Variants in HIVEP2 observed in about 807,000 individuals in gnomAD.
HIVEP2 encodes the protein HIVEP zinc finger 2.
In HIVEP2, 14 loss-of-function variants were observed where a neutral mutation model predicts 180.7. The ratio of observed to expected loss-of-function variants is 0.08; its 90% CI spans 0.05 to 0.12. The LOEUF (loss-of-function observed/expected upper bound fraction) is 0.12. Among genes scored for constraint, HIVEP2 ranks in the 10% least tolerant of loss-of-function variants. HIVEP2 has a pLI of 1.00. For synonymous variants in HIVEP2, 1,184 were observed against 1,136.4 expected, an observed-to-expected ratio of 1.04 and a Z score of -0.84; for missense variants, 2,579 against 3,008.5, an observed-to-expected ratio of 0.86 and a Z score of 3.34.
At chr6:142,889,524 G>C (rs1230933924) in intron 1 of HIVEP2, among the ~76,000 whole-genome samples, 1 of 152,156 alleles carries the variant, frequency 6.6e-6, no homozygotes, top group Non-Finnish European at 1.5e-5. Context: ...TAGATAAAAA[G>C]AAGGTATGGC....
chr6:142,768,314 G>T, intron 6 of HIVEP2, 68 bp downstream of exon 6: 1 of 1,419,902 alleles, frequency 7.0e-7, no homozygotes, highest in Non-Finnish European at 9.6e-7. Flanking sequence ...CCTTTTCCAT[G>T]CAGACATTCT....
At chr6:142,936,130 T>C (rs746325515) in intron 1 of HIVEP2, among the ~76,000 whole-genome samples, 2 of 151,688 alleles carry the variant, frequency 1.3e-5, no homozygotes, top group Non-Finnish European at 2.9e-5. Flanking sequence ...AAAAAAAGGA[T>C]GTGTCATTTG....
intron 2 of HIVEP2, among the ~76,000 whole-genome samples, chr6:142,820,703 T>C (rs1406687445): frequency 6.6e-6 from 1 of 152,206 alleles, no homozygotes; most frequent in African/African-American, 2.4e-5. Flanking sequence ...ATCATTTTCA[T>C]TTGAGCTATA....
At chr6:142,878,556 T>A (rs749085798) in intron 1 of HIVEP2, among the ~76,000 whole-genome samples, 14 of 152,050 alleles carry the variant, frequency 9.2e-5, no homozygotes, top group Non-Finnish European at 1.8e-4. Context: ...CATAACCCCA[T>A]GTGAAGTCAG....
At chr6:142,920,337 T>C (rs1398201020) in intron 1 of HIVEP2, among the ~76,000 whole-genome samples, 1 of 152,226 alleles carries the variant, frequency 6.6e-6, no homozygotes, top group Non-Finnish European at 1.5e-5. Context: ...GAGCTGACCT[T>C]GGTCTAGTCC....
intron 9 of HIVEP2, among the ~76,000 whole-genome samples, chr6:142,754,530 G>A (rs1396813704): frequency 1.3e-5 from 2 of 152,134 alleles, no homozygotes; most frequent in African/African-American, 4.8e-5. Context: ...TTGGTCTAAA[G>A]GAATGCATTC....
chr6:142,831,222 G>GAAATCAGAAA (rs1206347963), intron 2 of HIVEP2, among the ~76,000 whole-genome samples: 5 of 152,180 alleles, frequency 3.3e-5, no homozygotes, highest in African/African-American at 1.2e-4. Flanking sequence ...GGGGGATATG[G>GAAATCAGAAA]GAGGAAATCA....
intron 1 of HIVEP2, among the ~76,000 whole-genome samples, chr6:142,917,202 G>A (rs193136854): frequency 8.5e-5 from 13 of 152,198 alleles, no homozygotes; most frequent in East Asian, 1.9e-4. Context: ...TAACAGTTTC[G>A]TATGTGATGT....
At chr6:142,923,640 C>A (rs2128435463) in intron 1 of HIVEP2, among the ~76,000 whole-genome samples, 1 of 152,058 alleles carries the variant, frequency 6.6e-6, no homozygotes. Flanking sequence ...AAATGAAGAC[C>A]CCTTGCTCAA....
rs768428212 is a variant in HIVEP2 at position 142,772,420 on chromosome 6, C to T, written c.2319G>A (p.Val773=). The T allele has an allele frequency of 6.2e-7, 1 of 1,614,236 alleles. No individual in the cohort carries two copies. The highest frequency in any genetic ancestry group is 1.1e-5 in the South Asian group (1 of 91,084). Residue 773 remains valine, a synonymous_variant, in exon 5 of 10, where the codon GTG becomes GTA. Transcript: ENST00000367603. This position sits in a 1 kb window ranked among gnomAD's most constrained non-coding sequence, Gnocchi z 4.9. ...CAATGGCTGAAGGTGACTCCTCTGA[C>T]ACAAGAGATGGACTTCCAGGCTGCA... ...PQLQPGSPSL[V]SEESPSAIDS...
At chr6:142,775,179 C>A (rs1295991067) in intron 4 of HIVEP2, 54 bp from the exon 5 acceptor site, 110 of 321,554 alleles carry the variant, frequency 3.4e-4, no homozygotes, top group East Asian at 9.0e-4. Context: ...AATAAGAAAC[C>A]AAAAAAAAAA....
chr6:142,937,826 A>G (rs1778091996), intron 1 of HIVEP2, among the ~76,000 whole-genome samples: 1 of 152,232 alleles, frequency 6.6e-6, no homozygotes, highest in African/African-American at 2.4e-5. Context: ...ACATCAAGAT[A>G]AAAAACTAAA....
chr6:142,805,728 C>A (rs938620661), intron 2 of HIVEP2, among the ~76,000 whole-genome samples: 1 of 152,136 alleles, frequency 6.6e-6, no homozygotes, highest in Non-Finnish European at 1.5e-5. Flanking sequence ...TACAAGAGCT[C>A]TTCAGACTGC....
rs1775341186 is a variant in HIVEP2, at chr6:142,764,788, C to A, written c.5518+11G>T. The A allele has an allele frequency of 1.3e-6, 2 of 1,599,722 alleles. No individual in the cohort carries two copies. The highest frequency in any genetic ancestry group is 1.1e-5 in the South Asian group (1 of 87,372). ...GAAGTATTTTTCCTCTCAAAAAAAT[C>A]AGACTTGTACCTTTCGTTTTGAAGG... is the stretch of plus-strand genomic sequence containing the variant. On this transcript the variant is annotated intron_variant, in intron 7 of 9. Coordinates refer to ENST00000367603, the MANE Select transcript of HIVEP2 (RefSeq NM_006734.4).
At chr6:142,905,795 A>T (rs1232421326) in intron 1 of HIVEP2, among the ~76,000 whole-genome samples, 1 of 152,248 alleles carries the variant, frequency 6.6e-6, no homozygotes, top group Non-Finnish European at 1.5e-5. Flanking sequence ...ACAAGTCCGT[A>T]AGAATCCAAG....
At chr6:142,799,319 T>G (rs185878574) in intron 2 of HIVEP2, among the ~76,000 whole-genome samples, 1 of 152,110 alleles carries the variant, frequency 6.6e-6, no homozygotes, top group South Asian at 2.1e-4. Context: ...GGCTTGTCAG[T>G]GGGAAACAAC....
At chr6:142,852,888 CATTCCT>C (rs1330585512) in intron 1 of HIVEP2, among the ~76,000 whole-genome samples, 1 of 152,180 alleles carries the variant, frequency 6.6e-6, no homozygotes, top group Non-Finnish European at 1.5e-5. Context: ...AAATGATAAA[CATTCCT>C]ATCTTTGAAA....
At chr6:142,897,288 G>T (rs952896153) in intron 1 of HIVEP2, among the ~76,000 whole-genome samples, 1 of 152,102 alleles carries the variant, frequency 6.6e-6, no homozygotes, top group Non-Finnish European at 1.5e-5. Flanking sequence ...ATGTTAGAAG[G>T]GGCACAAATT....
intron 1 of HIVEP2, among the ~76,000 whole-genome samples, chr6:142,927,485 C>T (rs531102106): frequency 3.3e-5 from 5 of 152,224 alleles, no homozygotes; most frequent in Admixed American, 3.3e-4. Context: ...CTGCAGAGCT[C>T]CAGTAAGGTG....
Sources: allele counts gnomAD v4.1 joint callset (sites outside exome capture counted in the v4.1 genomes callset), GRCh38; gene constraint gnomAD v4.1.1; non-coding constraint Gnocchi (gnomAD v3.1); transcripts MANE v1.5; gene names NCBI Gene and HGNC (gene_info 2026-07-23, HGNC 2026-07-21).